The following NTAQ1 variants were observed in gnomAD, a reference collection of about 807,000 sequenced individuals.
NTAQ1 encodes the protein protein N-terminal glutamine amidohydrolase.
Under a neutral mutation model 28.2 loss-of-function variants are expected in NTAQ1, and 21 were observed. The ratio of observed to expected loss-of-function variants is 0.74; its 90% CI spans 0.53 to 1.07. The LOEUF (loss-of-function observed/expected upper bound fraction) is 1.07, where lower values mean the gene tolerates loss of function less well. Ranked by LOEUF, NTAQ1 falls within the 50% of genes least tolerant of loss-of-function variation. NTAQ1 has a pLI of 0.00. For missense variants in NTAQ1, 264 were observed against 256.6 expected, an observed-to-expected ratio of 1.03 and a Z score of -0.20; for synonymous variants, 105 against 90.0, an observed-to-expected ratio of 1.17 and a Z score of -0.94.
intron 3 of NTAQ1, among the ~76,000 whole-genome samples, chr8:123,433,622 A>T (rs1814525844): frequency 6.6e-6 from 1 of 151,894 alleles, no homozygotes; most frequent in Non-Finnish European, 1.5e-5. Flanking sequence ...TCGTTGTTGT[A>T]TTTTTAGTAG....
chr8:123,449,736 G>A (rs1178495098), downstream of NTAQ1, among the ~76,000 whole-genome samples: 1 of 150,802 alleles, frequency 6.6e-6, no homozygotes, highest in African/African-American at 2.4e-5. Context: ...CCAGTTGGAT[G>A]TCTAACAGGA....
chr8:123,418,601 A>G (rs1337150575), intron 1 of NTAQ1, among the ~76,000 whole-genome samples: 1 of 152,168 alleles, frequency 6.6e-6, no homozygotes, highest in Non-Finnish European at 1.5e-5. Flanking sequence ...TTGAAAAGAG[A>G]TCTGAAAAAA....
intron 1 of NTAQ1, among the ~76,000 whole-genome samples, chr8:123,419,753 TCCCTTCCTTCCTTCCTTTCTTCC>T (rs1813557590): frequency 3.4e-5 from 1 of 29,470 alleles, no homozygotes; most frequent in African/African-American, 1.2e-4. Context: ...CCTCCCTCCC[TCCCTTCCTTCCTTCCTTTCTTCC>T]CTCCCTCCCT....
chr8:123,436,717 T>A, intron 4 of NTAQ1, 116 bp downstream of exon 4: 1 of 1,080,074 alleles, frequency 9.3e-7, no homozygotes, highest in Non-Finnish European at 1.3e-6. Flanking sequence ...ACATCACCAT[T>A]GAGTTGATGT....
chr8:123,448,810 T>C (rs1178960165), downstream of NTAQ1, among the ~76,000 whole-genome samples: 1 of 152,206 alleles, frequency 6.6e-6, no homozygotes, highest in Non-Finnish European at 1.5e-5. Context: ...AAATGGTCTG[T>C]GTTCTCATTT....
chr8:123,445,957 C>A (rs1194915012), downstream of NTAQ1, among the ~76,000 whole-genome samples: 1 of 144,422 alleles, frequency 6.9e-6, no homozygotes, highest in Non-Finnish European at 1.5e-5. Flanking sequence ...CAAATCCATT[C>A]TCTTTTCTTT....
intron 6 of NTAQ1, among the ~76,000 whole-genome samples, chr8:123,456,822 A>G (rs1274340064): frequency 1.3e-5 from 2 of 152,220 alleles, no homozygotes; most frequent in African/African-American, 4.8e-5. Context: ...CCAGATATTT[A>G]TCTATAGAAA....
At chr8:123,460,895 G>A (rs746021688) in intron 6 of NTAQ1, among the ~76,000 whole-genome samples, 12 of 152,210 alleles carry the variant, frequency 7.9e-5, no homozygotes, top group Non-Finnish European at 1.5e-4. Flanking sequence ...CCAGAGATGA[G>A]TTGAGGAGGC....
At chr8:123,432,195 A>G (rs920352397) in intron 3 of NTAQ1, among the ~76,000 whole-genome samples, 2 of 152,230 alleles carry the variant, frequency 1.3e-5, no homozygotes, top group African/African-American at 4.8e-5. Flanking sequence ...TAGATTTACT[A>G]AATCAGAAAA....
At chr8:123,416,744 C>T (rs1318670037), upstream of NTAQ1, 2 of 1,161,472 alleles carry the variant, frequency 1.7e-6, no homozygotes, top group East Asian at 3.2e-5. Flanking sequence ...CCGGGCTCCG[C>T]CCACCCCACG....
intron 5 of NTAQ1, among the ~76,000 whole-genome samples, chr8:123,439,310 T>C (rs899366104): frequency 4.6e-5 from 7 of 151,614 alleles, no homozygotes; most frequent in African/African-American, 7.3e-5. Context: ...TCTGGATTAG[T>C]TGGGATTACA....
At chr8:123,419,739 C>CCTCCCTCTCTCT (rs1554650344) in intron 1 of NTAQ1, among the ~76,000 whole-genome samples, 1 of 97,058 alleles carries the variant, frequency 1.0e-5, no homozygotes, top group Non-Finnish European at 2.1e-5. Context: ...CACAGCCCTC[C>CCTCCCTCTCTCT]CTCCCTCCCT....
intron 1 of NTAQ1, among the ~76,000 whole-genome samples, chr8:123,418,616 G>GTT (rs1813467010): frequency 6.6e-6 from 1 of 152,162 alleles, no homozygotes; most frequent in Admixed American, 6.6e-5. Context: ...AAAAAAGAGG[G>GTT]TGGGAGCTTT....
downstream of NTAQ1, among the ~76,000 whole-genome samples, chr8:123,452,363 A>C (rs989754915): frequency 6.6e-6 from 1 of 152,138 alleles, no homozygotes; most frequent in Non-Finnish European, 1.5e-5. Context: ...TTGGGAGGCC[A>C]ACGCCGGTGG....
intron 3 of NTAQ1, among the ~76,000 whole-genome samples, chr8:123,435,032 A>G (rs1406256199): frequency 1.3e-5 from 2 of 152,220 alleles, no homozygotes; most frequent in East Asian, 1.9e-4. Flanking sequence ...CTCAAGTAGA[A>G]TGATATTTGA....
At chr8:123,439,893 G>A (rs1015925254) in intron 5 of NTAQ1, among the ~76,000 whole-genome samples, 10 of 151,948 alleles carry the variant, frequency 6.6e-5, no homozygotes, top group East Asian at 2.0e-4. Context: ...GGTGGAGGTC[G>A]CAATGAGCCA....
intron 1 of NTAQ1, among the ~76,000 whole-genome samples, chr8:123,423,141 G>T (rs1813811929): frequency 6.6e-6 from 1 of 151,898 alleles, no homozygotes; most frequent in Admixed American, 6.6e-5. Flanking sequence ...CTCTTTTTTG[G>T]TGCATATGAG....
chr8:123,459,884 C>T (rs1815769171), intron 6 of NTAQ1, among the ~76,000 whole-genome samples: 1 of 151,292 alleles, frequency 6.6e-6, no homozygotes, highest in South Asian at 2.1e-4. Flanking sequence ...TCACCGCAAC[C>T]TCCGCCTCCT....
intron 1 of NTAQ1, 45 bp from the exon 2 acceptor site, chr8:123,427,879 C>G (rs373031846): frequency 4.8e-6 from 7 of 1,471,364 alleles, no homozygotes; most frequent in Non-Finnish European, 6.5e-6. Flanking sequence ...TTAAAAGACA[C>G]ATAGAATGTT....
Sources: allele counts gnomAD v4.1 joint callset (sites outside exome capture counted in the v4.1 genomes callset), GRCh38; gene constraint gnomAD v4.1.1; transcripts MANE v1.5; gene names NCBI Gene and HGNC (gene_info 2026-07-23, HGNC 2026-07-21).